Variants in DOCK9 observed in about 807,000 individuals in gnomAD.
The protein encoded by DOCK9 is dedicator of cytokinesis 9, also known as dedicator of cytokinesis protein 9.
In DOCK9, 89 loss-of-function variants were observed where a neutral mutation model predicts 263.3. That is an observed-to-expected ratio of 0.34 (90% CI 0.28 to 0.40). DOCK9 has a LOEUF of 0.40. DOCK9 is among the 10% of genes least tolerant of loss of function. DOCK9 has a pLI of 1.00. For missense variants in DOCK9, 2,140 were observed against 2,603.4 expected (o/e 0.82, Z 3.87); for synonymous variants, 976 against 973.1 (o/e 1.00, Z -0.06).
chr13:98,999,290 GCA>G lies in DOCK9; in HGVS notation c.130-43741_130-43740del, dbSNP rs1217981239. Among the ~76,000 whole-genome samples, 1,260 of 145,752 alleles carry G rather than the reference GCA, an allele frequency of 8.6e-3. 19 individuals carry two copies. Among genetic ancestry groups the G allele is most frequent in the African/African-American group, 0.026 (1,018 of 39,546 alleles). On this transcript the variant is annotated intron_variant, in intron 1 of 32. Transcript: ENST00000427887. ...AACAGATGTGTGCACGCATGCACGCGCACACACACACACACACACACACACAC... is the reference window on the plus strand; with the variant it reads ...AACAGATGTGTGCACGCATGCACGCGCACACACACACACACACACACACAC...
chr13:98,923,470 C>A, intron 4 of DOCK9, 99 bp from the exon 5 acceptor site: 2 of 928,476 alleles, frequency 2.2e-6, no homozygotes, highest in Non-Finnish European at 3.5e-6. Flanking sequence ...TTACTAAATC[C>A]AAAGATGGCC....
intron 1 of DOCK9, among the ~76,000 whole-genome samples, chr13:98,985,773 T>C (rs1031556409): frequency 6.6e-6 from 1 of 151,242 alleles, no homozygotes; most frequent in African/African-American, 2.4e-5. Context: ...GATCTGTAAC[T>C]GTTTTATCTC....
intron 28 of DOCK9, 90 bp downstream of exon 28, chr13:98,868,141 A>C (rs1295954724): frequency 1.9e-6 from 3 of 1,559,080 alleles, no homozygotes; most frequent in East Asian, 2.2e-5. Context: ...TTGCCAGAGC[A>C]CCTACTCTAT....
At chr13:98,991,751 C>T (rs1879859692) in intron 1 of DOCK9, among the ~76,000 whole-genome samples, 1 of 151,888 alleles carries the variant, frequency 6.6e-6, no homozygotes, top group South Asian at 2.1e-4. Flanking sequence ...AATCCCCAAT[C>T]CTGTCTCTTC....
chr13:98,925,886 C>A lies in DOCK9; in HGVS notation c.367G>T (p.Val123Leu), dbSNP rs1207784995. 1.9e-6 allele frequency: 3 copies of A among 1,587,712 alleles called. No homozygotes were observed. The East Asian group carries it at 6.8e-5, about 36-fold the overall frequency. The change falls in exon 4 of 53, where the codon GTG becomes TTG. Residue 123 changes from valine to leucine, a missense_variant. Transcript: ENST00000682017. ...IKTYNSDWHL[V>L]NYKYEDYSGE... ...GAGTAATCTTCATATTTATAGTTCA[C>A]AAGATGCCAGTCAGAGTTATAGGTT...
At chr13:99,078,267 C>T (rs979051739) in intron 1 of DOCK9, among the ~76,000 whole-genome samples, 7 of 152,024 alleles carry the variant, frequency 4.6e-5, no homozygotes, top group African/African-American at 1.7e-4. Flanking sequence ...AGAGGTGGTG[C>T]CCCCCTTCGG....
intron 15 of DOCK9, among the ~76,000 whole-genome samples, chr13:98,892,421 A>G (rs975138394): frequency 2.0e-5 from 3 of 152,192 alleles, no homozygotes; most frequent in Admixed American, 1.3e-4. Context: ...GTATGTTTGG[A>G]CTGCTATTGG....
intron 35 of DOCK9, among the ~76,000 whole-genome samples, chr13:98,852,766 A>G (rs879397318): frequency 2.6e-5 from 4 of 152,226 alleles, no homozygotes; most frequent in Non-Finnish European, 4.4e-5. Flanking sequence ...GAGCTAACAG[A>G]GTTGAAACTG....
intron 39 of DOCK9, among the ~76,000 whole-genome samples, chr13:98,834,961 A>G (rs1192360714): frequency 6.6e-6 from 1 of 152,156 alleles, no homozygotes; most frequent in African/African-American, 2.4e-5. Flanking sequence ...TTGTGTAGTG[A>G]TCTTGGGCAA....
intron 1 of DOCK9, among the ~76,000 whole-genome samples, chr13:99,042,004 T>C (rs978529804): frequency 2.0e-5 from 3 of 152,168 alleles, no homozygotes; most frequent in African/African-American, 7.2e-5. Context: ...ATTTCTGCTG[T>C]TTTCAGCCAC....
Position 98,837,522 on chromosome 13 carries a change from G to C in DOCK9, c.4286C>G (p.Thr1429Arg). ...AAACGCCAATGTAAATAGAGAAAGCGTGTCCAGAGCTGTCAGGCAAACCTC... is the reference window on the plus strand; with the variant it reads ...AAACGCCAATGTAAATAGAGAAAGCCTGTCCAGAGCTGTCAGGCAAACCTC... ...ATEVCLTALD[T>R]LSLFTLAFKN... is the part of the protein sequence containing the mutation. Residue 1429 changes from threonine to arginine, a missense_variant, in exon 39 of 53, where the codon ACG (threonine) becomes AGG (arginine). By Grantham distance (71) the Thr-to-Arg change is moderately conservative. Around this residue, in one of 2 missense-constraint regions of DOCK9, gnomAD observed 1,521 missense variants for 1,741.7 expected, o/e 0.87. Coordinates refer to ENST00000682017, the MANE Select transcript of DOCK9 (RefSeq NM_001366683.2). 4.3e-6 allele frequency: 7 copies of C among 1,613,234 alleles called. No homozygotes were observed. The highest frequency in any genetic ancestry group is 1.3e-5 in the African/African-American group (1 of 75,010).
chr13:99,045,553 A>AG (rs1251310556), intron 1 of DOCK9, among the ~76,000 whole-genome samples: 1 of 152,160 alleles, frequency 6.6e-6, no homozygotes, highest in African/African-American at 2.4e-5. Context: ...TCAGTTAGCT[A>AG]GGGGGAATAC....
chr13:99,041,926 A>T (rs1888500620), intron 1 of DOCK9, among the ~76,000 whole-genome samples: 1 of 152,234 alleles, frequency 6.6e-6, no homozygotes, highest in Admixed American at 6.5e-5. Flanking sequence ...TCTCTCCTTA[A>T]GTCCCCAGAG....
intron 1 of DOCK9, among the ~76,000 whole-genome samples, chr13:99,015,006 C>CCCA (rs1885162871): frequency 6.6e-6 from 1 of 152,096 alleles, no homozygotes; most frequent in African/African-American, 2.4e-5. Context: ...TAAATTTCTC[C>CCCA]CCCCCGCATC....
At chr13:98,843,102 C>T (rs924028958) in intron 38 of DOCK9, among the ~76,000 whole-genome samples, 9 of 152,128 alleles carry the variant, frequency 5.9e-5, no homozygotes. Flanking sequence ...CTGACAAAGC[C>T]TTTCCTACTC....
At chr13:98,808,885 A>T (rs1311601958) in intron 47 of DOCK9, among the ~76,000 whole-genome samples, 1 of 152,212 alleles carries the variant, frequency 6.6e-6, no homozygotes, top group African/African-American at 2.4e-5. Flanking sequence ...ATTATACTAC[A>T]AAGGATAAAG....
chr13:98,925,950 T>TA (rs776766783), intron 3 of DOCK9, 31 bp from the exon 4 acceptor site: 1 of 1,503,086 alleles, frequency 6.7e-7, no homozygotes, highest in Non-Finnish European at 8.9e-7. Context: ...AAATAGAAAA[T>TA]AAAAAACAGA....
chr13:98,796,213 G>A (rs2089380587), intron 52 of DOCK9: 1 of 1,587,292 alleles, frequency 6.3e-7, no homozygotes. Context: ...TACCATCCCA[G>A]CTGAACGTGT....
At position 98,847,922 on chromosome 13, in the gene DOCK9, G is replaced by A. The variant is rs560752656; in HGVS notation, c.4061+670C>T. Among the ~76,000 whole-genome samples the A allele has an allele frequency of 3.9e-5, 6 of 152,332 alleles. No homozygotes were observed. In the South Asian group the frequency reaches 1.2e-3, roughly 32 times the overall value. ...TGGTAAGGACAAGAGGTGCTGCGAA[G>A]AAACGCCCCCAAAGAAGGCGTGTCC... On this transcript the variant is annotated intron_variant, in intron 37 of 52. Coordinates refer to ENST00000682017, the MANE Select transcript of DOCK9 (RefSeq NM_001366683.2).
Sources: allele counts gnomAD v4.1 joint callset (sites outside exome capture counted in the v4.1 genomes callset), GRCh38; gene constraint gnomAD v4.1.1; regional missense constraint gnomAD v4.1.1; transcripts MANE v1.5; gene names NCBI Gene and HGNC (gene_info 2026-07-23, HGNC 2026-07-21).